Variants in LCP1 observed in about 807,000 individuals in gnomAD.
LCP1 encodes the protein lymphocyte cytosolic protein 1.
In LCP1, 23 loss-of-function variants were observed where a neutral mutation model predicts 72.0. The observed-to-expected ratio is 0.32, with a 90% CI of 0.23 to 0.45. The LOEUF is 0.45. Among genes scored for constraint, LCP1 ranks in the 20% least tolerant of loss-of-function variants. The probability of loss-of-function intolerance (pLI) is 1.00; values close to 1 mark genes in which losing one functional copy is unlikely to be tolerated. For missense variants in LCP1, 571 were observed against 748.3 expected (o/e 0.76, Z 2.76); for synonymous variants, 245 against 275.4 (o/e 0.89, Z 1.09).
intron 13 of LCP1, among the ~76,000 whole-genome samples, chr13:46,139,609 T>C (rs1229041279): frequency 6.6e-6 from 1 of 152,250 alleles, no homozygotes; most frequent in African/African-American, 2.4e-5. Context: ...TGTAAGATTC[T>C]TGCCTTGTCA....
At chr13:46,172,390 A>G (rs976078906) in intron 1 of LCP1, among the ~76,000 whole-genome samples, 5 of 152,088 alleles carry the variant, frequency 3.3e-5, no homozygotes, top group African/African-American at 1.2e-4. Context: ...AGGCTGAGGC[A>G]GGAGAATCAC....
At chr13:46,142,811 C>G (rs2045706394) in intron 12 of LCP1, 2 of 463,854 alleles carry the variant, frequency 4.3e-6, no homozygotes, top group Non-Finnish European at 8.6e-6. Context: ...AGCAAATGGA[C>G]ATGTGAACAG....
rs547062188 is a variant in LCP1, at chr13:46,129,110, G to A, written c.1752-1387C>T. Among the ~76,000 whole-genome samples, 8 of 152,190 alleles carry A rather than the reference G, an allele frequency of 5.3e-5. No homozygotes were observed. The East Asian group carries it at 1.3e-3, about 26-fold the overall frequency. On this transcript the variant is annotated intron_variant, in intron 15 of 15. Coordinates refer to ENST00000323076, the MANE Select transcript of LCP1 (RefSeq NM_002298.5). ...CCATTATAAAACACAGAGGGAAAAC[G>A]GTCTGAAAATTAAAAGGGAGCTTCA...
At chr13:46,181,939 C>T (rs1030906609) in intron 1 of LCP1, among the ~76,000 whole-genome samples, 172 bp downstream of exon 1, 5 of 152,128 alleles carry the variant, frequency 3.3e-5, no homozygotes, top group African/African-American at 7.2e-5. Flanking sequence ...GATGGCCACG[C>T]GAGGTGGCGG....
intron 1 of LCP1, among the ~76,000 whole-genome samples, chr13:46,165,445 T>C (rs1850714202): frequency 1.3e-5 from 2 of 152,092 alleles, no homozygotes; most frequent in South Asian, 4.1e-4. Context: ...TATGATAATA[T>C]TATAAGATTA....
intron 9 of LCP1, 28 bp from the exon 10 acceptor site, chr13:46,147,131 T>TGGGTCAAGGCTCTCCATGCACAA (rs2045736140): frequency 6.5e-7 from 1 of 1,540,912 alleles, no homozygotes; most frequent in Non-Finnish European, 8.7e-7. Flanking sequence ...GTCTCAGGGC[T>TGGGTCAAGGCTCTCCATGCACAA]GGGTCAAGGC....
intron 14 of LCP1, among the ~76,000 whole-genome samples, chr13:46,131,652 C>T (rs1291271645): frequency 1.3e-5 from 2 of 152,162 alleles, no homozygotes; most frequent in Non-Finnish European, 2.9e-5. Context: ...GGTACATATA[C>T]ACCATGGAAT....
intron 4 of LCP1, among the ~76,000 whole-genome samples, chr13:46,156,920 A>T (rs2045805317): frequency 6.7e-6 from 1 of 149,944 alleles, no homozygotes; most frequent in Non-Finnish European, 1.5e-5. Flanking sequence ...CTCCTGGTTC[A>T]CGCCATTCTC....
intron 4 of LCP1, among the ~76,000 whole-genome samples, chr13:46,158,242 G>A (rs1051263870): frequency 9.9e-5 from 15 of 152,192 alleles, no homozygotes; most frequent in Non-Finnish European, 1.5e-4. Flanking sequence ...AAAGATAGAA[G>A]CTTGAGTAGC....
chr13:46,130,752 A>G, intron 15 of LCP1, 62 bp downstream of exon 15: 1 of 1,598,068 alleles, frequency 6.3e-7, no homozygotes, highest in South Asian at 1.1e-5. Flanking sequence ...TAGACTTTAC[A>G]ACCATCCAGC....
Position 46,125,931 on chromosome 13 carries a change from A to T in LCP1, c.*1660T>A, listed in dbSNP as rs1407079282. ...CATCCAGAGACACCTAATATAGGGA[A>T]CATTTTATTTGGAAAGATTTTGAGC... On this transcript the variant is annotated 3_prime_UTR_variant, in exon 16 of 16. Coordinates refer to ENST00000323076, the MANE Select transcript of LCP1 (RefSeq NM_002298.5). 1 of 183,478 alleles carries T rather than the reference A, an allele frequency of 5.5e-6. No individual in the cohort carries two copies. The highest frequency in any genetic ancestry group is 1.2e-5 in the Non-Finnish European group (1 of 86,196). 11.4% of individuals were successfully genotyped at this position (183,478 alleles called of 1,614,324 possible).
rs1251137972 is a variant in LCP1, at chr13:46,156,517, G to A, written c.412C>T (p.Pro138Ser). The change falls in exon 5 of 16, where the codon CCT (proline) becomes TCT (serine). Residue 138 changes from proline to serine, a missense_variant. Transcript: ENST00000323076. ...NWINKALENDPDCRHVIPMNP... is the reference protein window; with the variant it reads ...NWINKALENDSDCRHVIPMNP... ...ATTGGGATGACATGCCGACAATCAG[G>A]ATCATTTTCCAGGGCTTTGTTTATC... The A allele has an allele frequency of 2.5e-6, 4 of 1,613,996 alleles. No homozygotes were observed. Among genetic ancestry groups the A allele is most frequent in the Non-Finnish European group, 3.4e-6 (4 of 1,179,992 alleles).
At chr13:46,170,756 T>A (rs552964723) in intron 1 of LCP1, among the ~76,000 whole-genome samples, 1 of 152,316 alleles carries the variant, frequency 6.6e-6, no homozygotes, top group Admixed American at 6.5e-5. Context: ...GCCAAACACC[T>A]ACTATATGCC....
intron 6 of LCP1, among the ~76,000 whole-genome samples, chr13:46,153,900 T>C (rs572702805): frequency 5.9e-5 from 9 of 152,280 alleles, no homozygotes; most frequent in Non-Finnish European, 1.2e-4. Context: ...ATAGTCGAGA[T>C]AGAGTCAAGG....
chr13:46,140,202 A>G (rs927847253), intron 13 of LCP1, among the ~76,000 whole-genome samples: 1 of 152,204 alleles, frequency 6.6e-6, no homozygotes, highest in African/African-American at 2.4e-5. Context: ...AGAGTCATTC[A>G]GAAAGAAAGC....
intron 13 of LCP1, among the ~76,000 whole-genome samples, chr13:46,135,118 A>AAAG (rs898181728): frequency 7.1e-6 from 1 of 140,876 alleles, no homozygotes; most frequent in Non-Finnish European, 1.6e-5. Context: ...CAAAAAAAAA[A>AAAG]AAAAAGAAAA....
chr13:46,127,845 G>A, intron 15 of LCP1, 122 bp from the exon 16 acceptor site: 1 of 1,166,004 alleles, frequency 8.6e-7, no homozygotes. Flanking sequence ...GCAGTGGCTG[G>A]AGTCAGTCAC....
At chr13:46,129,574 G>A (rs1014483517) in intron 15 of LCP1, among the ~76,000 whole-genome samples, 2 of 151,996 alleles carry the variant, frequency 1.3e-5, no homozygotes, top group Non-Finnish European at 2.9e-5. Context: ...ACAATCTATT[G>A]TAATTTTAGT....
At position 46,178,653 on chromosome 13, in the gene LCP1, C is replaced by T. The variant is rs188245857; in HGVS notation, c.-25+3458G>A. The stretch of plus-strand genomic sequence containing the variant: ...TTTTATATTTTGATGTGTCCTAATT[C>T]TAATGTTTATTTCTGCAGTGTTCAG... On this transcript the variant is annotated intron_variant, in intron 1 of 15. Coordinates refer to ENST00000323076, the MANE Select transcript of LCP1 (RefSeq NM_002298.5). 3.3e-5 allele frequency among the ~76,000 whole-genome samples: 5 copies of T among 152,212 alleles called. No individual in the cohort carries two copies. In the East Asian group the frequency reaches 9.6e-4, roughly 29 times the overall value.
Sources: gnomAD v4.1 joint callset for allele counts (sites outside exome capture counted in the v4.1 genomes callset) on GRCh38, gnomAD v4.1.1 for gene constraint, MANE v1.5 for transcripts, NCBI Gene and HGNC (gene_info 2026-07-23, HGNC 2026-07-21) for gene names.